Variants in UNC5B observed in about 807,000 individuals in gnomAD.
UNC5B encodes unc-5 netrin receptor B, also known as netrin receptor UNC5B.
A neutral mutation model predicts 103.7 loss-of-function variants in UNC5B; 56 were observed. The ratio of observed to expected loss-of-function variants is 0.54; its 90% CI spans 0.44 to 0.67. The LOEUF is 0.67. Ranked by LOEUF, UNC5B falls within the 30% of genes least tolerant of loss-of-function variation. The pLI is 0.00. For synonymous variants in UNC5B, 577 were observed against 542.0 expected, an observed-to-expected ratio of 1.06 and a Z score of -0.90; for missense variants, 1,194 against 1,284.5, an observed-to-expected ratio of 0.93 and a Z score of 1.08.
rs765321928 is a variant in UNC5B, at chr10:71,297,964, C to G, written c.2546C>G (p.Thr849Ser). The G allele has an allele frequency of 1.2e-6, 2 of 1,614,016 alleles. No homozygotes were observed. Among genetic ancestry groups the G allele is most frequent in the Non-Finnish European group, 1.7e-6 (2 of 1,179,990 alleles). Residue 849 changes from threonine (T) to serine (S), a missense_variant, in exon 16 of 17, where the codon ACC (threonine) becomes AGC (serine). By Grantham distance (58) the Thr-to-Ser change is moderately conservative (BLOSUM62 1). Coordinates refer to ENST00000335350, the MANE Select transcript of UNC5B (RefSeq NM_170744.5). ...TCTGCCCCTGGCAGCACTGTCACCA[C>G]CCAGCTGGGACCTTATGCCTTCAAG... Reference protein sequence around the residue: ...LCSAPGSTVTTQLGPYAFKIP... With the variant: ...LCSAPGSTVTSQLGPYAFKIP...
chr10:71,291,016 C>T lies in UNC5B; in HGVS notation c.1201C>T (p.Arg401Cys), dbSNP rs554096883. Residue 401 changes from arginine to cysteine, a missense_variant, in exon 9 of 17, where the codon CGC (arginine) becomes TGC (cysteine). By Grantham distance (180) the Arg-to-Cys change is radical (BLOSUM62 -3). Coordinates refer to ENST00000335350, the MANE Select transcript of UNC5B (RefSeq NM_170744.5). ...GGCGGTGGGGGTGGTGGTGTACCGC[C>T]GCAACTGCCGTGACTTCGACACAGA... ...LMAVGVVVYR[R>C]NCRDFDTDIT... 1.4e-5 allele frequency: 22 copies of T among 1,614,096 alleles called. No individual in the cohort carries two copies. Among genetic ancestry groups the T allele is most frequent in the South Asian group, 4.4e-5 (4 of 91,070 alleles).
At chr10:71,237,733 A>G (rs762977373) in intron 1 of UNC5B, among the ~76,000 whole-genome samples, 19 of 152,336 alleles carry the variant, frequency 1.2e-4, no homozygotes, top group Non-Finnish European at 1.9e-4. Context: ...GGAAGGAGGT[A>G]GTTTTACTGG....
chr10:71,248,757 A>G (rs866816234), intron 1 of UNC5B, among the ~76,000 whole-genome samples: 62 of 152,038 alleles, frequency 4.1e-4, no homozygotes, highest in African/African-American at 1.4e-3. Context: ...GGTACACAGC[A>G]GAGGATGCCT....
intron 1 of UNC5B, among the ~76,000 whole-genome samples, chr10:71,252,905 A>T (rs1039932966): frequency 6.6e-6 from 1 of 151,988 alleles, no homozygotes; most frequent in East Asian, 1.9e-4. Context: ...GTGGATGGGG[A>T]GGTGAGGCTT....
In UNC5B at chr10:71,289,004, C is replaced by T; in HGVS notation, c.1099+14C>T. 6.2e-7 allele frequency: 1 copy of T among 1,614,232 alleles called. No individual in the cohort carries two copies. The highest frequency in any genetic ancestry group is 8.5e-7 in the Non-Finnish European group (1 of 1,180,026). On this transcript the variant is annotated intron_variant, in intron 8 of 16. Transcript: ENST00000335350. ...CCAACAGCCACCGTAAGTCCCATTT[C>T]ATGGCTGTCCTCTTTCCTCTGGGGG...
At chr10:71,241,146 G>A (rs1029885810) in intron 1 of UNC5B, among the ~76,000 whole-genome samples, 3 of 152,208 alleles carry the variant, frequency 2.0e-5, no homozygotes, top group African/African-American at 4.8e-5. Context: ...AGAAAACTGA[G>A]GCTTAGAGAA....
rs1845521201 is a variant in UNC5B, at chr10:71,299,095, C to T, written c.2673-17C>T. 3 of 1,613,832 alleles carry T rather than the reference C, an allele frequency of 1.9e-6. No individual in the cohort carries two copies. The highest frequency in any genetic ancestry group is 2.2e-5 in the South Asian group (2 of 91,066). On this transcript the variant is annotated splice_polypyrimidine_tract_variant and intron_variant, in intron 16 of 16. Transcript: ENST00000335350. ...CTAAGTGCTTGGGAACCTCAGTGCC[C>T]TCCTTCCCTCTGCCAGGTACCTGAA...
chr10:71,282,312 G>T (rs990428100), intron 2 of UNC5B, among the ~76,000 whole-genome samples: 1 of 152,196 alleles, frequency 6.6e-6, no homozygotes. Flanking sequence ...GGGGCAGGCA[G>T]CCCAACCCTG....
In UNC5B at chr10:71,247,870, T is replaced by C. The variant is rs541581614; in HGVS notation, c.80-31951T>C. ...GTAAGGCTCCCTAGTGATTTGGGGG[T>C]CTTACTTGTGTCCTTGAGACCTGGA... On this transcript the variant is annotated intron_variant, in intron 1 of 16. Coordinates refer to ENST00000335350, the MANE Select transcript of UNC5B (RefSeq NM_170744.5). 6.4e-4 allele frequency among the ~76,000 whole-genome samples: 98 copies of C among 152,066 alleles called. 2 individuals are homozygous for C. In the South Asian group the frequency reaches 0.012, roughly 18 times the overall value.
At chr10:71,223,226 T>C (rs1843486170) in intron 1 of UNC5B, among the ~76,000 whole-genome samples, 1 of 152,148 alleles carries the variant, frequency 6.6e-6, no homozygotes, top group Non-Finnish European at 1.5e-5. Context: ...TTTGGCTCAC[T>C]CGTGTGGATT....
intron 5 of UNC5B, among the ~76,000 whole-genome samples, chr10:71,287,217 A>G (rs1845111720): frequency 6.6e-6 from 1 of 152,158 alleles, no homozygotes; most frequent in East Asian, 1.9e-4. Context: ...CTTGGGCCCT[A>G]TGGGTGGGAG....
At position 71,292,552 on chromosome 10, in the gene UNC5B, C is replaced by T. The variant is rs986365217; in HGVS notation, c.1770C>T (p.Thr590=). The T allele has an allele frequency of 1.3e-6, 2 of 1,599,620 alleles. No individual in the cohort carries two copies. Among genetic ancestry groups the T allele is most frequent in the Non-Finnish European group, 1.7e-6 (2 of 1,173,036 alleles). ...TACTCATCAACAAGGCAGAAAGTAC[C>T]CTGTGAGTAGAGCCCCAGCCGCTGC... is the stretch of plus-strand genomic sequence containing the variant. ...MYLLINKAES[T]LPLSEGTQTV... is the part of the protein sequence containing the mutation. The change falls in exon 11 of 17, where the codon ACC becomes ACT. Residue 590 remains threonine (T), a splice_region_variant and synonymous_variant. Coordinates refer to ENST00000335350, the MANE Select transcript of UNC5B (RefSeq NM_170744.5).
intron 1 of UNC5B, among the ~76,000 whole-genome samples, chr10:71,251,643 AAGTGATTAAAGTTGCAG>A (rs1244423537): frequency 3.5e-4 from 53 of 152,182 alleles, no homozygotes; most frequent in Non-Finnish European, 7.3e-4. Context: ...CCTGCAGACA[AAGTGATTAAAGTTGCAG>A]AGTATACATG....
At chr10:71,246,328 T>G (rs1320838097) in intron 1 of UNC5B, among the ~76,000 whole-genome samples, 1 of 151,586 alleles carries the variant, frequency 6.6e-6, no homozygotes, top group Non-Finnish European at 1.5e-5. Context: ...ATCCGAGAGG[T>G]TCCTTCCAGA....
At chr10:71,271,241 T>C (rs1844638849) in intron 1 of UNC5B, among the ~76,000 whole-genome samples, 3 of 152,264 alleles carry the variant, frequency 2.0e-5, no homozygotes, top group African/African-American at 7.2e-5. Flanking sequence ...TTCACTCTTC[T>C]GCCTCGTTTT....
intron 1 of UNC5B, among the ~76,000 whole-genome samples, chr10:71,238,210 C>T (rs1370427707): frequency 6.6e-6 from 1 of 152,164 alleles, no homozygotes; most frequent in Non-Finnish European, 1.5e-5. Flanking sequence ...CCATTTGGAG[C>T]CACAGGAAGG....
chr10:71,297,755 T>G (rs1248529008), intron 15 of UNC5B, among the ~76,000 whole-genome samples, 154 bp from the exon 16 acceptor site: 4 of 152,202 alleles, frequency 2.6e-5, no homozygotes, highest in Non-Finnish European at 5.9e-5. Flanking sequence ...GAACCGACCC[T>G]TCAAGGGAGA....
chr10:71,295,343 C>T (rs930611684), intron 13 of UNC5B, among the ~76,000 whole-genome samples: 10 of 140,888 alleles, frequency 7.1e-5, no homozygotes, highest in Non-Finnish European at 3.1e-5. Flanking sequence ...TTCAACCCTC[C>T]ATCCATCCAT....
intron 1 of UNC5B, among the ~76,000 whole-genome samples, chr10:71,231,290 C>T (rs576930624): frequency 8.5e-5 from 13 of 152,288 alleles, no homozygotes; most frequent in Admixed American, 4.6e-4. Context: ...AGTATGGGCT[C>T]GGCCATTGCT....
Sources: gnomAD v4.1 joint callset for allele counts (sites outside exome capture counted in the v4.1 genomes callset) on GRCh38, gnomAD v4.1.1 for gene constraint, MANE v1.5 for transcripts, NCBI Gene and HGNC (gene_info 2026-07-23, HGNC 2026-07-21) for gene names.